The following FNBP4 variants were observed in gnomAD, a reference collection of about 807,000 sequenced individuals.
The protein encoded by FNBP4 is formin binding protein 4.
Under a neutral mutation model 119.3 loss-of-function variants are expected in FNBP4, and 34 were observed. That is an observed-to-expected ratio of 0.28 (90% CI 0.22 to 0.38). The LOEUF (loss-of-function observed/expected upper bound fraction) is 0.38, where lower values mean the gene tolerates loss of function less well. Among genes scored for constraint, FNBP4 ranks in the 10% least tolerant of loss-of-function variants. The probability of loss-of-function intolerance (pLI) is 1.00; values close to 1 mark genes in which losing one functional copy is unlikely to be tolerated. For missense variants in FNBP4, 1,112 were observed against 1,228.9 expected (o/e 0.90, Z 1.42); for synonymous variants, 462 against 430.6 (o/e 1.07, Z -0.90).
chr11:47,752,630 T>C (rs2097606454), intron 4 of FNBP4: 2 of 243,648 alleles, frequency 8.2e-6, no homozygotes, highest in South Asian at 7.1e-5. Flanking sequence ...GGCAACACAG[T>C]GAAACCACGT....
chr11:47,753,337 A>T (rs547447247), intron 3 of FNBP4, among the ~76,000 whole-genome samples: 56 of 152,220 alleles, frequency 3.7e-4, no homozygotes, highest in African/African-American at 1.3e-3. Context: ...TAGGCTGGGC[A>T]CGGTGGCTCA....
At chr11:47,756,961 T>C (rs961865729) in intron 2 of FNBP4, among the ~76,000 whole-genome samples, 1 of 152,196 alleles carries the variant, frequency 6.6e-6, no homozygotes, top group Non-Finnish European at 1.5e-5. Context: ...ACATTCGGGT[T>C]GGTTCCAAGT....
Position 47,765,349 on chromosome 11 carries a change from C to T in FNBP4, c.234G>A (p.Ala78=), listed in dbSNP as rs758121193. 19 of 1,583,052 alleles carry T rather than the reference C, an allele frequency of 1.2e-5. No homozygotes were observed. Among genetic ancestry groups the T allele is most frequent in the South Asian group, 5.8e-5 (5 of 86,554 alleles). The change falls in exon 2 of 17, where the codon GCG becomes GCA. Residue 78 remains alanine (A), a synonymous_variant. Coordinates refer to ENST00000263773, the MANE Select transcript of FNBP4 (RefSeq NM_015308.5). ...DDSPSEDEQE[A]VQEVPRVVQN... ...GAACAACTCTAGGAACCTCCTGCAC[C>T]GCTTCCTGTTCATCTGGATTAAAAA...
At position 47,743,952 on chromosome 11, in the gene FNBP4, CCA is replaced by C; in HGVS notation, c.1455_1456del (p.Ala486AsnfsTer4). ...GAAGTTTAATGTGAAGCACAAATTA[CCA>C]GTTTCTCCATTTTCTGGAGTATCTC... On this transcript the variant is annotated frameshift_variant and splice_region_variant, in exon 8 of 17. Coordinates refer to ENST00000263773, the MANE Select transcript of FNBP4 (RefSeq NM_015308.5). LOFTEE classifies it high-confidence loss of function. 6.2e-7 allele frequency: 1 copy of C among 1,613,432 alleles called. No individual in the cohort carries two copies. Among genetic ancestry groups the C allele is most frequent in the Non-Finnish European group, 8.5e-7 (1 of 1,179,482 alleles).
chr11:47,767,071 T>C lies in FNBP4; in HGVS notation c.218A>G (p.Glu73Gly), dbSNP rs1355214200. 2 of 1,529,134 alleles carry C rather than the reference T, an allele frequency of 1.3e-6. No individual in the cohort carries two copies. Among genetic ancestry groups the C allele is most frequent in the Admixed American group, 2.0e-5 (1 of 50,768 alleles). 94.7% of individuals were successfully genotyped at this position (1,529,134 alleles called of 1,614,324 possible). A position where few individuals can be genotyped will look rare whatever the true frequency, so the allele number is the denominator to read the frequency against. Reference sequence around the variant, plus strand: ...CAGGTCCCCCCGCGCACCCTTGCCTTCTGAAGGCGAGTCGTCCGAGGCCGC... The same window carrying C: ...CAGGTCCCCCCGCGCACCCTTGCCTCCTGAAGGCGAGTCGTCCGAGGCCGC... ...AAAASDDSPS[E>G]DEQEAVQEVP... The change falls in exon 1 of 17, where the codon GAA becomes GGA. Residue 73 changes from glutamate (E) to glycine (G), a missense_variant and splice_region_variant. Transcript: ENST00000263773.
intron 1 of FNBP4, among the ~76,000 whole-genome samples, chr11:47,766,735 A>T (rs531626602): frequency 6.6e-6 from 1 of 152,386 alleles, no homozygotes; most frequent in African/African-American, 2.4e-5. Flanking sequence ...GCGCACGCGG[A>T]AACTCATCCT....
rs751696301 is a variant in FNBP4, at chr11:47,724,012, C to A, written c.2464+16G>T. On this transcript the variant is annotated intron_variant, in intron 14 of 16. Coordinates refer to ENST00000263773, the MANE Select transcript of FNBP4 (RefSeq NM_015308.5). ...AACAATACATTGAGGAAAAACCACGCTCTATGCACAATTACCTGTAGCTAT... is the reference window on the plus strand; with the variant it reads ...AACAATACATTGAGGAAAAACCACGATCTATGCACAATTACCTGTAGCTAT... The A allele has an allele frequency of 6.2e-7, 1 of 1,610,306 alleles. No individual in the cohort carries two copies. The highest frequency in any genetic ancestry group is 1.7e-5 in the Admixed American group (1 of 59,016).
intron 16 of FNBP4, among the ~76,000 whole-genome samples, chr11:47,718,414 A>G (rs2097551916): frequency 6.6e-6 from 1 of 151,652 alleles, no homozygotes; most frequent in Admixed American, 6.6e-5. Context: ...GGTTTTCACT[A>G]TGTTGGCCAG....
chr11:47,720,134 G>A (rs2097553884), intron 15 of FNBP4, 48 bp from the exon 16 acceptor site: 1 of 1,553,514 alleles, frequency 6.4e-7, no homozygotes, highest in African/African-American at 1.4e-5. Flanking sequence ...ATAAAATAAG[G>A]ATAAGCGTCC....
intron 9 of FNBP4, among the ~76,000 whole-genome samples, 179 bp from the exon 10 acceptor site, chr11:47,734,308 C>T (rs540060772): frequency 6.6e-6 from 1 of 152,268 alleles, no homozygotes; most frequent in African/African-American, 2.4e-5. Flanking sequence ...TAACATAATA[C>T]ACATAACAAA....
chr11:47,738,847 ATTT>A (rs71045510), intron 8 of FNBP4, among the ~76,000 whole-genome samples: 10 of 110,978 alleles, frequency 9.0e-5, no homozygotes, highest in Non-Finnish European at 1.1e-4. Flanking sequence ...TGCCCAGGTA[ATTT>A]TTTTTTTTTT....
rs923565128 is a variant in FNBP4 at position 47,740,600 on chromosome 11, T to G, written c.1456+3353A>C. On this transcript the variant is annotated intron_variant, in intron 8 of 16. Coordinates refer to ENST00000263773, the MANE Select transcript of FNBP4 (RefSeq NM_015308.5). ...TAAGCACAACATACATATGTATTTG[T>G]TTTTTTTTTCCCCGAGACAGTCTCA... 1.7e-4 allele frequency among the ~76,000 whole-genome samples: 11 copies of G among 65,768 alleles called. 1 individual carries two copies. Among genetic ancestry groups the G allele is most frequent in the African/African-American group, 3.1e-4 (9 of 28,846 alleles). The allele number at this position is 65,768 out of a possible 152,430, so 43.1% of individuals were successfully genotyped here.
At chr11:47,765,773 G>A (rs35951591) in intron 1 of FNBP4, among the ~76,000 whole-genome samples, 3 of 150,380 alleles carry the variant, frequency 2.0e-5, no homozygotes. Flanking sequence ...GGCCACAGAG[G>A]AAGACTCCAT....
chr11:47,746,716 T>C (rs1339592333), intron 6 of FNBP4, among the ~76,000 whole-genome samples: 1 of 152,232 alleles, frequency 6.6e-6, no homozygotes, highest in East Asian at 1.9e-4. Context: ...TTTCACCACG[T>C]TGGCCAGGCT....
chr11:47,735,842 G>A (rs150326508), intron 9 of FNBP4, among the ~76,000 whole-genome samples: 1 of 152,050 alleles, frequency 6.6e-6, no homozygotes, highest in Non-Finnish European at 1.5e-5. Context: ...CACTTTGGGA[G>A]GCCGAGGCAG....
intron 16 of FNBP4, among the ~76,000 whole-genome samples, chr11:47,719,138 T>C (rs2097552678): frequency 6.6e-6 from 1 of 152,218 alleles, no homozygotes; most frequent in African/African-American, 2.4e-5. Context: ...TCCACCCGCC[T>C]TGGCCTCCCA....
At chr11:47,759,717 C>T (rs1421019432) in intron 2 of FNBP4, among the ~76,000 whole-genome samples, 2 of 151,944 alleles carry the variant, frequency 1.3e-5, no homozygotes, top group African/African-American at 2.4e-5. Context: ...CTTTGGGAGG[C>T]CAAGGCGGGT....
chr11:47,722,026 A>G (rs2097556218), intron 15 of FNBP4, among the ~76,000 whole-genome samples: 2 of 25,450 alleles, frequency 7.9e-5, no homozygotes, highest in African/African-American at 8.4e-4. Context: ...AAAAAAAAAA[A>G]AAAAAAAAAA....
Position 47,752,906 on chromosome 11 carries a change from T to C in FNBP4, c.637+10A>G. 1 of 1,598,750 alleles carries C rather than the reference T, an allele frequency of 6.3e-7. No homozygotes were observed. Among genetic ancestry groups the C allele is most frequent in the Non-Finnish European group, 8.5e-7 (1 of 1,172,540 alleles). ...TTACTTTTCTTTAAAAATCAAAGGATCAAGTTTACCTCCTGCCAGTGAACA... is the reference window on the plus strand; with the variant it reads ...TTACTTTTCTTTAAAAATCAAAGGACCAAGTTTACCTCCTGCCAGTGAACA... On this transcript the variant is annotated intron_variant, in intron 4 of 16. Coordinates refer to ENST00000263773, the MANE Select transcript of FNBP4 (RefSeq NM_015308.5).
Sources: gnomAD v4.1 joint callset for allele counts (sites outside exome capture counted in the v4.1 genomes callset) on GRCh38, gnomAD v4.1.1 for gene constraint, MANE v1.5 for transcripts, NCBI Gene and HGNC (gene_info 2026-07-23, HGNC 2026-07-21) for gene names.